RASSF3: variants seen among roughly 807,000 people sequenced by gnomAD.
The protein encoded by RASSF3 is Ras association domain family member 3.
A neutral mutation model predicts 19.9 loss-of-function variants in RASSF3; 19 were observed. The observed-to-expected ratio is 0.96, with a 90% CI of 0.67 to 1.40. The LOEUF (loss-of-function observed/expected upper bound fraction) is 1.40. Ranked by LOEUF, RASSF3 falls within the 40% of genes most tolerant of loss-of-function variation. The probability of loss-of-function intolerance (pLI) is 0.00; values close to 1 mark genes in which losing one functional copy is unlikely to be tolerated. For missense variants in RASSF3, 306 were observed against 289.8 expected, an observed-to-expected ratio of 1.06 and a Z score of -0.41; for synonymous variants, 110 against 104.2, an observed-to-expected ratio of 1.06 and a Z score of -0.34.
chr12:64,575,679 A>G (rs951404912), intron 2 of RASSF3: 1 of 152,078 alleles, frequency 6.6e-6, no homozygotes, highest in Non-Finnish European at 1.5e-5. Flanking sequence ...AATGATGCTT[A>G]TTTGACTCTG....
chr12:64,543,929 C>G (rs11175438), downstream of RASSF3, among the ~76,000 whole-genome samples: 27 of 151,658 alleles, frequency 1.8e-4, no homozygotes, highest in Non-Finnish European at 3.5e-4. Flanking sequence ...GGATTGTAAA[C>G]GCACCAATCA....
chr12:64,568,402 G>T (rs1184447679), intron 2 of RASSF3, among the ~76,000 whole-genome samples: 1 of 152,122 alleles, frequency 6.6e-6, no homozygotes, highest in Non-Finnish European at 1.5e-5. Flanking sequence ...TTGTTTATTT[G>T]AACCATTTGT....
At chr12:64,532,074 C>A (rs1868719850), upstream of RASSF3, among the ~76,000 whole-genome samples, 1 of 152,178 alleles carries the variant, frequency 6.6e-6, no homozygotes, top group Non-Finnish European at 1.5e-5. Context: ...GAGAAAAGGA[C>A]AGCTACCCGC....
At chr12:64,671,476 G>A (rs1166139539) in intron 1 of RASSF3, among the ~76,000 whole-genome samples, 8 of 152,150 alleles carry the variant, frequency 5.3e-5, no homozygotes, top group Non-Finnish European at 1.0e-4. Context: ...TTCTTTTGAT[G>A]ATGTAAGTGT....
chr12:64,693,118 G>A (rs1868308183), intron 4 of RASSF3, among the ~76,000 whole-genome samples: 1 of 146,058 alleles, frequency 6.8e-6, no homozygotes, highest in African/African-American at 2.5e-5. Context: ...TAACGTAGAA[G>A]TTTTGCTCTC....
At chr12:64,653,951 G>C (rs12831875) in intron 1 of RASSF3, 11,702 of 152,350 alleles carry the variant, frequency 0.077, 611 homozygotes, top group Middle Eastern at 0.15. Flanking sequence ...AAGAATCACC[G>C]GGTTGGTGGT....
chr12:64,531,324 T>C (rs1003916633), upstream of RASSF3, among the ~76,000 whole-genome samples: 4 of 152,248 alleles, frequency 2.6e-5, no homozygotes, highest in Non-Finnish European at 5.9e-5. Context: ...CTTTTTCCAC[T>C]GAAGTACCTT....
At chr12:64,521,551 C>T (rs754009549) in intron 1 of RASSF3, among the ~76,000 whole-genome samples, 16 of 152,172 alleles carry the variant, frequency 1.1e-4, no homozygotes, top group Admixed American at 2.0e-4. Flanking sequence ...GATAATCTGA[C>T]GCTGAAAATG....
At chr12:64,614,208 A>G (rs1430871779) in intron 1 of RASSF3, among the ~76,000 whole-genome samples, 2 of 143,702 alleles carry the variant, frequency 1.4e-5, no homozygotes, top group African/African-American at 5.2e-5. Flanking sequence ...ATCTCGGCTC[A>G]CTGCAACCTC....
intron 1 of RASSF3, among the ~76,000 whole-genome samples, chr12:64,657,169 G>A (rs1283481134): frequency 6.6e-6 from 1 of 152,004 alleles, no homozygotes; most frequent in South Asian, 2.1e-4. Flanking sequence ...ACGCCACCAC[G>A]TCTGGCTAAT....
chr12:64,682,258 G>A (rs1257470466), intron 1 of RASSF3, among the ~76,000 whole-genome samples: 1 of 152,126 alleles, frequency 6.6e-6, no homozygotes, highest in Non-Finnish European at 1.5e-5. Context: ...GGATGGTGCT[G>A]ACATTGAAAA....
chr12:64,637,021 T>C (rs892344461), intron 1 of RASSF3, among the ~76,000 whole-genome samples: 6 of 152,132 alleles, frequency 3.9e-5, no homozygotes, highest in Admixed American at 2.0e-4. Context: ...TCCCTACATA[T>C]ATTCCCAAGT....
At chr12:64,603,482 G>A (rs551322044) in intron 2 of RASSF3, among the ~76,000 whole-genome samples, 2 of 152,190 alleles carry the variant, frequency 1.3e-5, no homozygotes, top group Non-Finnish European at 2.9e-5. Context: ...TCCTAGATAT[G>A]TTGGATGGAC....
intron 1 of RASSF3, among the ~76,000 whole-genome samples, chr12:64,644,391 G>A (rs1287785186): frequency 6.6e-6 from 1 of 152,062 alleles, no homozygotes; most frequent in Non-Finnish European, 1.5e-5. Context: ...AATAGTATCT[G>A]TTTACATATC....
rs1412473247 is a variant in RASSF3, at chr12:64,600,143, AT to A, written c.294+58439del. On this transcript the variant is annotated intron_variant, in intron 2 of 5. Coordinates refer to the RASSF3 transcript ENST00000637125. ...ATCTGAGGGGTCTTTTCTAGAAAAA[AT>A]ATCTCAGAAGTTAAAAAAACAAACA... Among the ~76,000 whole-genome samples the A allele has an allele frequency of 5.9e-5, 9 of 152,158 alleles. No homozygotes were observed. The East Asian group carries it at 1.5e-3, about 26-fold the overall frequency.
At chr12:64,510,140 A>T (rs1868320302) in intron 1 of RASSF3, among the ~76,000 whole-genome samples, 2 of 151,894 alleles carry the variant, frequency 1.3e-5, no homozygotes, top group Admixed American at 1.3e-4. Context: ...TCATAATGGG[A>T]TTATTTAAAT....
chr12:64,614,463 A>T (rs1870484974), intron 1 of RASSF3, among the ~76,000 whole-genome samples: 1 of 151,992 alleles, frequency 6.6e-6, no homozygotes, highest in Admixed American at 6.6e-5. Flanking sequence ...ACTGTATCTT[A>T]TGGTGCTCCC....
intron 1 of RASSF3, among the ~76,000 whole-genome samples, chr12:64,638,887 A>C (rs944538329): frequency 6.6e-6 from 1 of 152,076 alleles, no homozygotes; most frequent in Non-Finnish European, 1.5e-5. Context: ...TGCCCATTTT[A>C]CTGTTGATGG....
chr12:64,654,602 T>C (rs111404657), intron 1 of RASSF3, among the ~76,000 whole-genome samples: 2,766 of 132,506 alleles, frequency 0.021, 102 homozygotes, highest in African/African-American at 0.075. Context: ...CCCAGGGGTT[T>C]GAGACCAGCT....
Sources: allele counts gnomAD v4.1 joint callset (sites outside exome capture counted in the v4.1 genomes callset), GRCh38; gene constraint gnomAD v4.1.1; transcripts MANE v1.5; gene names NCBI Gene and HGNC (gene_info 2026-07-23, HGNC 2026-07-21).